HPSE2: variants seen among roughly 807,000 people sequenced by gnomAD.
HPSE2 encodes the protein inactive heparanase-2.
In HPSE2, 38 loss-of-function variants were observed where a neutral mutation model predicts 60.5. That is an observed-to-expected ratio of 0.63 (90% CI 0.48 to 0.82). The LOEUF (loss-of-function observed/expected upper bound fraction) is 0.82. Ranked by LOEUF, HPSE2 falls within the 40% of genes least tolerant of loss-of-function variation. The pLI is 0.00. For synonymous variants in HPSE2, 295 were observed against 293.2 expected (o/e 1.01, Z -0.06); for missense variants, 713 against 740.4 (o/e 0.96, Z 0.43).
chr10:99,192,438 T>C (rs956130526), intron 2 of HPSE2, among the ~76,000 whole-genome samples: 2 of 151,696 alleles, frequency 1.3e-5, no homozygotes, highest in Non-Finnish European at 2.9e-5. Flanking sequence ...CAGGAAAGAG[T>C]AGCATGACTT....
chr10:98,488,002 TTATCA>T (rs1250341366), intron 10 of HPSE2, among the ~76,000 whole-genome samples: 1 of 152,238 alleles, frequency 6.6e-6, no homozygotes, highest in Non-Finnish European at 1.5e-5. Flanking sequence ...AACCCAGTTA[TTATCA>T]TTAGGGTCAC....
chr10:99,055,041 G>A lies in HPSE2; in HGVS notation c.610+89197C>T, dbSNP rs75305091. ...CTACAATATTTTTAATTGTAATGTCGGTATTCAATTAAAAATTCACCAGAT... is the reference window on the plus strand; with the variant it reads ...CTACAATATTTTTAATTGTAATGTCAGTATTCAATTAAAAATTCACCAGAT... On this transcript the variant is annotated intron_variant, in intron 3 of 11. Transcript: ENST00000370552. Among the ~76,000 whole-genome samples the A allele has an allele frequency of 1.1e-3, 172 of 151,842 alleles. 1 individual carries two copies. The highest frequency in any genetic ancestry group is 8.3e-3 in the East Asian group (43 of 5,176).
chr10:99,132,216 AGAGAGAGAGAGAGAGAGAGAG>A (rs1845454143), intron 3 of HPSE2, among the ~76,000 whole-genome samples: 1 of 29,284 alleles, frequency 3.4e-5, no homozygotes, highest in African/African-American at 5.8e-5. Flanking sequence ...AGAGAGAGAG[AGAGAGAGAGAGAGAGAGAGAG>A]AGAGAGAAAG....
chr10:98,529,596 C>G (rs1219879195), intron 9 of HPSE2, among the ~76,000 whole-genome samples: 1 of 152,152 alleles, frequency 6.6e-6, no homozygotes, highest in Non-Finnish European at 1.5e-5. Context: ...ATCAAGCTTG[C>G]CTTTCTAATC....
At chr10:99,135,375 A>T (rs11511385) in intron 3 of HPSE2, among the ~76,000 whole-genome samples, 74,894 of 152,008 alleles carry the variant, frequency 0.49, 20,931 homozygotes, top group East Asian at 0.65. Flanking sequence ...ACATCTCCAG[A>T]ACTCTCCACC....
chr10:99,233,065 ACTTT>A (rs1429682234), intron 1 of HPSE2, among the ~76,000 whole-genome samples: 3 of 152,182 alleles, frequency 2.0e-5, no homozygotes, highest in African/African-American at 7.2e-5. Context: ...GTGGATTCCT[ACTTT>A]CTTTCTTTTA....
At chr10:98,601,326 C>T (rs588663) in intron 9 of HPSE2, among the ~76,000 whole-genome samples, 16,017 of 152,114 alleles carry the variant, frequency 0.11, 1,421 homozygotes, top group African/African-American at 0.25. Context: ...CATGGCCTAG[C>T]CAAGTTGACA....
Position 98,490,245 on chromosome 10 carries a change from G to T in HPSE2, c.1321-49C>A, listed in dbSNP as rs1164667962. Reference sequence around the variant, plus strand: ...GGTCAGCGAGAGAACACATGCTCAGGTGTTCTGAGTAAACATGACACACAC... The same window carrying T: ...GGTCAGCGAGAGAACACATGCTCAGTTGTTCTGAGTAAACATGACACACAC... On this transcript the variant is annotated intron_variant, in intron 9 of 11. Transcript: ENST00000370552. The T allele has an allele frequency of 2.5e-6, 4 of 1,569,144 alleles. No individual in the cohort carries two copies. The South Asian group carries it at 3.4e-5, about 13-fold the overall frequency.
At chr10:98,666,362 T>C (rs1323678898) in intron 6 of HPSE2, among the ~76,000 whole-genome samples, 2 of 152,112 alleles carry the variant, frequency 1.3e-5, no homozygotes, top group East Asian at 3.9e-4. Flanking sequence ...ACTGACAGTG[T>C]TAGATCATTG....
At chr10:99,270,150 T>A in the HPSE2 span, among the ~76,000 whole-genome samples, 1 of 151,842 alleles carries the variant, frequency 6.6e-6, no homozygotes, top group Admixed American at 6.6e-5. Context: ...TAAATTAAGT[T>A]GAAACAAAAA....
the HPSE2 span, among the ~76,000 whole-genome samples, chr10:99,306,835 CGAGTAGCTGGG>C: frequency 6.6e-6 from 1 of 152,106 alleles, no homozygotes; most frequent in Non-Finnish European, 1.5e-5. Context: ...TCAGCCTTCC[CGAGTAGCTGGG>C]ATTACAGGCA....
the HPSE2 span, among the ~76,000 whole-genome samples, chr10:99,256,791 C>T: frequency 0.012 from 1,812 of 152,194 alleles, 18 homozygotes; most frequent in South Asian, 0.033. Context: ...TGGTGGCTCA[C>T]GCCTGTAATC....
intron 10 of HPSE2, among the ~76,000 whole-genome samples, chr10:98,487,427 A>T (rs1309251786): frequency 1.3e-5 from 2 of 152,226 alleles, no homozygotes; most frequent in African/African-American, 2.4e-5. Context: ...TGTGAAATGG[A>T]TTCCTGTGTT....
At chr10:99,187,303 G>A (rs1320483331) in intron 2 of HPSE2, among the ~76,000 whole-genome samples, 6 of 152,134 alleles carry the variant, frequency 3.9e-5, no homozygotes, top group African/African-American at 1.4e-4. Flanking sequence ...TACTTTGCAT[G>A]AAGCAGTATA....
At chr10:98,621,373 C>T (rs75529570) in intron 7 of HPSE2, among the ~76,000 whole-genome samples, 1 of 151,948 alleles carries the variant, frequency 6.6e-6, no homozygotes, top group East Asian at 1.9e-4. Flanking sequence ...AGTCTCTGAC[C>T]CACAAGATGA....
chr10:99,021,982 GCTGCA>G (rs1957273736), intron 3 of HPSE2, among the ~76,000 whole-genome samples: 1 of 151,338 alleles, frequency 6.6e-6, no homozygotes, highest in Non-Finnish European at 1.5e-5. Flanking sequence ...ATGTTGGTGT[GCTGCA>G]CCCATTAACT....
At chr10:98,840,802 T>G (rs1354754542) in intron 3 of HPSE2, among the ~76,000 whole-genome samples, 2 of 152,110 alleles carry the variant, frequency 1.3e-5, no homozygotes, top group African/African-American at 4.8e-5. Flanking sequence ...ACTAAAAAAA[T>G]AAAAGCAAGT....
chr10:98,464,181 TA>T (rs1388778813), intron 11 of HPSE2, among the ~76,000 whole-genome samples: 5 of 152,228 alleles, frequency 3.3e-5, no homozygotes, highest in Non-Finnish European at 7.3e-5. Flanking sequence ...GTTTTGGGAT[TA>T]AAACATAAGT....
intron 11 of HPSE2, among the ~76,000 whole-genome samples, chr10:98,474,659 T>C (rs996265654): frequency 6.6e-6 from 1 of 152,096 alleles, no homozygotes; most frequent in Non-Finnish European, 1.5e-5. Flanking sequence ...AAAAAAAAGA[T>C]GTGCATTTCT....
Sources: gnomAD v4.1 joint callset for allele counts (sites outside exome capture counted in the v4.1 genomes callset) on GRCh38, gnomAD v4.1.1 for gene constraint, MANE v1.5 for transcripts, NCBI Gene and HGNC (gene_info 2026-07-23, HGNC 2026-07-21) for gene names.